Variants in MVB12B observed in about 807,000 individuals in gnomAD.
MVB12B encodes ESCRT-I complex subunit MVB12B.
Under a neutral mutation model 41.6 loss-of-function variants are expected in MVB12B, and 16 were observed. That is an observed-to-expected ratio of 0.38 (90% CI 0.26 to 0.58). The LOEUF (loss-of-function observed/expected upper bound fraction) is 0.58, where lower values mean the gene tolerates loss of function less well. MVB12B is among the 20% of genes least tolerant of loss of function. The pLI, the probability that MVB12B is intolerant of heterozygous loss-of-function variation, is 0.62. For synonymous variants in MVB12B, 133 were observed against 139.7 expected (o/e 0.95, Z 0.34); for missense variants, 274 against 380.2 (o/e 0.72, Z 2.32).
At chr9:126,422,116 G>A (rs998100278) in intron 7 of MVB12B, among the ~76,000 whole-genome samples, 168 bp downstream of exon 7, 10 of 151,994 alleles carry the variant, frequency 6.6e-5, no homozygotes, top group African/African-American at 1.2e-4. Context: ...CCTTTGTGTC[G>A]CCACAGCACT....
intron 9 of MVB12B, among the ~76,000 whole-genome samples, chr9:126,491,074 C>T (rs1833721386): frequency 6.6e-6 from 1 of 152,110 alleles, no homozygotes; most frequent in Admixed American, 6.5e-5. Flanking sequence ...TGTGTTTGTG[C>T]GTTGAAAAAT....
chr9:126,342,111 G>A (rs1829460291), intron 2 of MVB12B, among the ~76,000 whole-genome samples: 1 of 152,228 alleles, frequency 6.6e-6, no homozygotes, highest in Non-Finnish European at 1.5e-5. Flanking sequence ...AACTCTGGGG[G>A]AAGCTAATAA....
chr9:126,327,399 C>A, intron 1 of MVB12B: 2 of 897,954 alleles, frequency 2.2e-6, no homozygotes, highest in East Asian at 1.2e-4. Flanking sequence ...GCCTGGGGTC[C>A]TGCTCTCTCT....
chr9:126,411,902 G>C (rs146530455), intron 6 of MVB12B, among the ~76,000 whole-genome samples: 4 of 152,230 alleles, frequency 2.6e-5, no homozygotes, highest in African/African-American at 9.6e-5. Context: ...AAACACAGGG[G>C]ACTTGGAGCA....
At chr9:126,382,881 A>T (rs1394717742) in intron 3 of MVB12B, among the ~76,000 whole-genome samples, 1 of 152,200 alleles carries the variant, frequency 6.6e-6, no homozygotes, top group Non-Finnish European at 1.5e-5. Flanking sequence ...TATTAAAGAA[A>T]ACACATTGAT....
chr9:126,356,143 T>C (rs1335836103), intron 2 of MVB12B, among the ~76,000 whole-genome samples: 1 of 152,242 alleles, frequency 6.6e-6, no homozygotes, highest in Admixed American at 6.5e-5. Context: ...CTTCTCCTCT[T>C]TTTCAAAATT....
intron 2 of MVB12B, among the ~76,000 whole-genome samples, chr9:126,380,583 C>T (rs946459484): frequency 3.3e-5 from 5 of 152,130 alleles, no homozygotes; most frequent in Non-Finnish European, 7.4e-5. Flanking sequence ...CCCTCCCTGC[C>T]CCAGCCTCCA....
chr9:126,423,547 A>T (rs568542157), intron 7 of MVB12B, among the ~76,000 whole-genome samples: 4 of 152,250 alleles, frequency 2.6e-5, no homozygotes, highest in African/African-American at 9.6e-5. Context: ...ATTGGATTTT[A>T]TCTTCCAAAC....
rs964484446 is a variant in MVB12B at position 126,468,529 on chromosome 9, C to T, written c.758-12840C>T. ...GGGGTCACCCTTGATTCCGCCTTGC[C>T]CCTCTGCAGCCAGTGGCCAGGTCTC... is the stretch of plus-strand genomic sequence containing the variant. On this transcript the variant is annotated intron_variant, in intron 7 of 9. Transcript: ENST00000361171. The surrounding 1 kb of genome is among the most constrained non-coding windows in gnomAD (Gnocchi z 4.3). Among the ~76,000 whole-genome samples the T allele has an allele frequency of 6.6e-6, 1 of 152,206 alleles. No individual in the cohort carries two copies. Among genetic ancestry groups the T allele is most frequent in the Non-Finnish European group, 1.5e-5 (1 of 68,030 alleles).
At position 126,437,437 on chromosome 9, in the gene MVB12B, A is replaced by G. The variant is rs191432479; in HGVS notation, c.757+15489A>G. On this transcript the variant is annotated intron_variant, in intron 7 of 9. Transcript: ENST00000361171. Reference sequence around the variant, plus strand: ...GTGCATCTGCTTTTAATTTACTCCAAATAATTGGAAAATGCAATGAAGCTT... The same window carrying G: ...GTGCATCTGCTTTTAATTTACTCCAGATAATTGGAAAATGCAATGAAGCTT... Among the ~76,000 whole-genome samples, 22 of 152,330 alleles carry G rather than the reference A, an allele frequency of 1.4e-4. 1 individual carries two copies. Among genetic ancestry groups the G allele is most frequent in the Admixed American group, 8.5e-4 (13 of 15,304 alleles).
chr9:126,503,288 G>GACC lies in MVB12B; in HGVS notation c.*29_*31dup, dbSNP rs1834000878. 3 of 1,537,814 alleles carry GACC rather than the reference G, an allele frequency of 2.0e-6. No homozygotes were observed. The highest frequency in any genetic ancestry group is 2.4e-5 in the South Asian group (2 of 83,754). On this transcript the variant is annotated 3_prime_UTR_variant, in exon 10 of 10. Coordinates refer to ENST00000361171, the MANE Select transcript of MVB12B (RefSeq NM_033446.3). ...AGGAGCCAGCGGCCACCTGCGGGGAGACCACCGCCGCCCAGACTACTGACG... is the reference window on the plus strand; with the variant it reads ...AGGAGCCAGCGGCCACCTGCGGGGAGACCACCACCGCCGCCCAGACTACTGACG...
chr9:126,433,048 C>G (rs1832371230), intron 7 of MVB12B, among the ~76,000 whole-genome samples: 1 of 152,152 alleles, frequency 6.6e-6, no homozygotes, highest in Admixed American at 6.5e-5. Flanking sequence ...ATCACTCTTG[C>G]TGGGCAAAAC....
At chr9:126,422,031 TG>T (rs1435665697) in intron 7 of MVB12B, 83 bp downstream of exon 7, 3 of 957,330 alleles carry the variant, frequency 3.1e-6, no homozygotes, top group Admixed American at 1.8e-5. Context: ...TGTCTTCTCG[TG>T]GGATCTGTCT....
intron 7 of MVB12B, among the ~76,000 whole-genome samples, chr9:126,476,718 T>C (rs1424217594): frequency 1.3e-5 from 2 of 151,166 alleles, no homozygotes; most frequent in Admixed American, 6.6e-5. Flanking sequence ...CTACTAAAAA[T>C]ACAAAAAAAT....
intron 2 of MVB12B, among the ~76,000 whole-genome samples, chr9:126,350,943 C>A (rs1419308838): frequency 6.6e-6 from 1 of 152,166 alleles, no homozygotes; most frequent in African/African-American, 2.4e-5. Flanking sequence ...GTTTTAATGG[C>A]AATTGATGTT....
intron 7 of MVB12B, among the ~76,000 whole-genome samples, chr9:126,439,186 C>A (rs1413459302): frequency 6.6e-6 from 1 of 152,088 alleles, no homozygotes; most frequent in Non-Finnish European, 1.5e-5. Context: ...TCTGAGCAGG[C>A]TCTGGAGAAA....
Position 126,386,477 on chromosome 9 carries a change from A to T in MVB12B, c.313-85A>T. Reference sequence around the variant, plus strand: ...ATAAAGCTGCACGAGTCATTGTGTTAAATATGCATCTGGAAGCCAAAATGG... The same window carrying T: ...ATAAAGCTGCACGAGTCATTGTGTTTAATATGCATCTGGAAGCCAAAATGG... On this transcript the variant is annotated intron_variant, in intron 3 of 9. Coordinates refer to ENST00000361171, the MANE Select transcript of MVB12B (RefSeq NM_033446.3). The surrounding 1 kb of genome is among the most constrained non-coding windows in gnomAD (Gnocchi z 4.3). The T allele has an allele frequency of 1.2e-6, 1 of 856,482 alleles. No individual in the cohort carries two copies. The highest frequency in any genetic ancestry group is 2.0e-6 in the Non-Finnish European group (1 of 509,626). 53.1% of individuals were successfully genotyped at this position (856,482 alleles called of 1,614,324 possible).
chr9:126,408,805 A>G (rs759331026), intron 6 of MVB12B, among the ~76,000 whole-genome samples: 1 of 152,176 alleles, frequency 6.6e-6, no homozygotes, highest in Non-Finnish European at 1.5e-5. Context: ...AAGTCTTTTC[A>G]GATAGCAAAG....
rs1489279364 is a variant in MVB12B at position 126,338,023 on chromosome 9, C to CCCTGAA, written c.82-2485_82-2484insCCTGAA. ...AAAATATGTAATTCAGGGCAAGCGG[C>CCCTGAA]TTTGAGTGATGGCCCCTGCCATGGA... On this transcript the variant is annotated intron_variant, in intron 1 of 9. Coordinates refer to ENST00000361171, the MANE Select transcript of MVB12B (RefSeq NM_033446.3). Among the ~76,000 whole-genome samples, 3 of 152,256 alleles carry CCCTGAA rather than the reference C, an allele frequency of 2.0e-5. No homozygotes were observed. The East Asian group carries it at 5.8e-4, about 29-fold the overall frequency.
Sources: allele counts gnomAD v4.1 joint callset (sites outside exome capture counted in the v4.1 genomes callset), GRCh38; gene constraint gnomAD v4.1.1; non-coding constraint Gnocchi (gnomAD v3.1); transcripts MANE v1.5; gene names NCBI Gene and HGNC (gene_info 2026-07-23, HGNC 2026-07-21).